MIPOL1: variants seen among roughly 807,000 people sequenced by gnomAD.
The protein encoded by MIPOL1 is mirror-image polydactyly gene 1 protein.
Under a neutral mutation model 60.9 loss-of-function variants are expected in MIPOL1, and 57 were observed. That is an observed-to-expected ratio of 0.94 (90% CI 0.76 to 1.17). MIPOL1 has a LOEUF of 1.17. Among genes scored for constraint, MIPOL1 ranks in the 50% most tolerant of loss-of-function variants. The probability of loss-of-function intolerance (pLI) is 0.00; values close to 1 mark genes in which losing one functional copy is unlikely to be tolerated. For synonymous variants in MIPOL1, 179 were observed against 168.8 expected, an observed-to-expected ratio of 1.06 and a Z score of -0.47; for missense variants, 551 against 511.6, an observed-to-expected ratio of 1.08 and a Z score of -0.74.
At chr14:37,318,272 A>G (rs1475567485) in intron 9 of MIPOL1, among the ~76,000 whole-genome samples, 1 of 152,182 alleles carries the variant, frequency 6.6e-6, no homozygotes, top group Admixed American at 6.6e-5. Context: ...GCTTCTTATA[A>G]TTAGCATAGT....
intron 12 of MIPOL1, among the ~76,000 whole-genome samples, chr14:37,509,707 ATGTT>A (rs1363154220): frequency 2.2e-4 from 2 of 9,068 alleles, no homozygotes; most frequent in Non-Finnish European, 3.5e-4. Flanking sequence ...ATATATATGT[ATGTT>A]TATGTACGTT....
intron 7 of MIPOL1, among the ~76,000 whole-genome samples, chr14:37,298,400 T>C (rs2085990166): frequency 6.6e-6 from 1 of 152,148 alleles, no homozygotes; most frequent in Non-Finnish European, 1.5e-5. Context: ...GGCAAGGACT[T>C]CATGTTTAAA....
chr14:37,308,276 A>G (rs2086961782), intron 8 of MIPOL1, 73 bp from the exon 9 acceptor site: 3 of 1,303,422 alleles, frequency 2.3e-6, no homozygotes, highest in Non-Finnish European at 3.1e-6. Context: ...ACATGTGCCT[A>G]TTAATTAAAA....
At chr14:37,502,381 C>G (rs1237367122) in intron 12 of MIPOL1, 1 of 152,378 alleles carries the variant, frequency 6.6e-6, no homozygotes, top group African/African-American at 2.4e-5. Flanking sequence ...GAGTGCCCCT[C>G]TAGGACGAAG....
chr14:37,436,678 G>A (rs1398745779), intron 11 of MIPOL1, among the ~76,000 whole-genome samples: 1 of 152,170 alleles, frequency 6.6e-6, no homozygotes, highest in South Asian at 2.1e-4. Flanking sequence ...TGATGATGAC[G>A]ATCCGTCAGT....
intron 6 of MIPOL1, chr14:37,278,983 T>G (rs927373830): frequency 6.6e-6 from 1 of 151,734 alleles, no homozygotes; most frequent in East Asian, 1.9e-4. Flanking sequence ...TGAATCTTTC[T>G]CATTTGACTA....
chr14:37,461,047 A>C (rs1391991867), intron 11 of MIPOL1, among the ~76,000 whole-genome samples: 1 of 152,220 alleles, frequency 6.6e-6, no homozygotes, highest in African/African-American at 2.4e-5. Context: ...GGATAACCAA[A>C]GCAATTTTAA....
intron 9 of MIPOL1, among the ~76,000 whole-genome samples, chr14:37,318,832 G>T (rs931851874): frequency 5.9e-5 from 9 of 151,516 alleles, no homozygotes; most frequent in African/African-American, 2.2e-4. Flanking sequence ...TATTTAGTTA[G>T]TTAGTTAGTT....
Position 37,468,881 on chromosome 14 carries a change from G to A in MIPOL1, c.1032-31027G>A, listed in dbSNP as rs555190757. 6.1e-4 allele frequency among the ~76,000 whole-genome samples: 93 copies of A among 152,224 alleles called. No individual in the cohort carries two copies. The Middle Eastern group carries it at 0.031, about 50-fold the overall frequency. On this transcript the variant is annotated intron_variant, in intron 11 of 12. Coordinates refer to ENST00000684589, the MANE Select transcript of MIPOL1 (RefSeq NM_001388067.1). ...AGGGAGGTAGTGTCAGTGTTCTAGG[G>A]GACTTGAAGGTTATTCATCCTGACT...
intron 12 of MIPOL1, among the ~76,000 whole-genome samples, chr14:37,542,638 A>G (rs533521121): frequency 6.6e-6 from 1 of 152,288 alleles, no homozygotes; most frequent in East Asian, 1.9e-4. Context: ...CTTAGGCATC[A>G]TCAGGAAGCC....
chr14:37,394,897 G>A (rs978062759), intron 10 of MIPOL1, among the ~76,000 whole-genome samples: 2 of 152,104 alleles, frequency 1.3e-5, no homozygotes, highest in African/African-American at 4.8e-5. Context: ...TATAGTTGCA[G>A]GTCTTGGATT....
At chr14:37,274,301 A>G (rs1033591489) in intron 6 of MIPOL1, among the ~76,000 whole-genome samples, 1 of 151,372 alleles carries the variant, frequency 6.6e-6, no homozygotes, top group Non-Finnish European at 1.5e-5. Flanking sequence ...CTGTTATTCT[A>G]ATGTGATTTT....
intron 12 of MIPOL1, among the ~76,000 whole-genome samples, chr14:37,509,853 A>G (rs1341392906): frequency 1.3e-5 from 2 of 151,622 alleles, no homozygotes; most frequent in African/African-American, 2.4e-5. Context: ...AACTATGTAT[A>G]TGTACATATA....
chr14:37,393,937 A>T (rs1002234604), intron 10 of MIPOL1, among the ~76,000 whole-genome samples: 2 of 150,104 alleles, frequency 1.3e-5, no homozygotes, highest in Non-Finnish European at 3.0e-5. Context: ...TATCAGTGAG[A>T]ACATATGATG....
chr14:37,335,490 T>C (rs935359385), intron 9 of MIPOL1, among the ~76,000 whole-genome samples: 1 of 152,068 alleles, frequency 6.6e-6, no homozygotes, highest in Non-Finnish European at 1.5e-5. Flanking sequence ...AGGTACCTTA[T>C]ATAGGTGGAA....
chr14:37,449,577 CAT>C (rs1322015281), intron 11 of MIPOL1, among the ~76,000 whole-genome samples: 2 of 152,020 alleles, frequency 1.3e-5, no homozygotes, highest in African/African-American at 4.8e-5. Flanking sequence ...CCATGCTAAC[CAT>C]GTGGTATTCT....
chr14:37,500,347 A>G (rs1355382722), intron 12 of MIPOL1, among the ~76,000 whole-genome samples: 2 of 152,152 alleles, frequency 1.3e-5, no homozygotes, highest in African/African-American at 4.8e-5. Context: ...GTTACCCTGT[A>G]GGGCAAACCA....
chr14:37,257,132 T>TGTGTGTGTGTGTGTGTGTG (rs1555371896), intron 3 of MIPOL1, among the ~76,000 whole-genome samples: 1 of 149,534 alleles, frequency 6.7e-6, no homozygotes, highest in Non-Finnish European at 1.5e-5. Flanking sequence ...TGTGTGTGTG[T>TGTGTGTGTGTGTGTGTGTG]TTGAGAAACA....
intron 7 of MIPOL1, among the ~76,000 whole-genome samples, chr14:37,295,776 C>A (rs4900753): frequency 1.2e-4 from 19 of 152,248 alleles, no homozygotes; most frequent in South Asian, 2.1e-4. Context: ...TATATGTACC[C>A]AATACAGGAG....
Sources: allele counts gnomAD v4.1 joint callset (sites outside exome capture counted in the v4.1 genomes callset), GRCh38; gene constraint gnomAD v4.1.1; transcripts MANE v1.5; gene names NCBI Gene and HGNC (gene_info 2026-07-23, HGNC 2026-07-21).